The following SPSB2 variants were observed in gnomAD, a reference collection of about 807,000 sequenced individuals.
SPSB2 encodes splA/ryanodine receptor domain and SOCS box containing 2, also known as SPRY domain-containing SOCS box protein 2.
Under a neutral mutation model 19.2 loss-of-function variants are expected in SPSB2, and 25 were observed. The observed-to-expected ratio is 1.30, with a 90% CI of 0.95 to 1.82. The LOEUF (loss-of-function observed/expected upper bound fraction) is 1.82. SPSB2 is among the 40% of genes most tolerant of loss of function. The pLI is 0.00. For missense variants in SPSB2, 413 were observed against 344.9 expected (o/e 1.20, Z -1.56); for synonymous variants, 153 against 154.9 (o/e 0.99, Z 0.09).
rs1217582061 is a variant in SPSB2, at chr12:6,870,951, TCTTA to T, written c.*237_*240del. 5 of 668,590 alleles carry T rather than the reference TCTTA, an allele frequency of 7.5e-6. No homozygotes were observed. The highest frequency in any genetic ancestry group is 1.8e-5 in the African/African-American group (1 of 55,244). 41.4% of individuals were successfully genotyped at this position (668,590 alleles called of 1,614,324 possible). ...AAGAACAGGTTTCTATAACAACATCTCTTACTATTTTTACTTGAAAAAATGTTTT... is the reference window on the plus strand; with the variant it reads ...AAGAACAGGTTTCTATAACAACATCTCTATTTTTACTTGAAAAAATGTTTT... On this transcript the variant is annotated 3_prime_UTR_variant, in exon 3 of 3. Transcript: ENST00000524270.
Position 6,872,856 on chromosome 12 carries a change from G to T in SPSB2, c.46C>A (p.Pro16Thr), listed in dbSNP as rs1555134167. 1 of 1,598,824 alleles carries T rather than the reference G, an allele frequency of 6.3e-7. No individual in the cohort carries two copies. The highest frequency in any genetic ancestry group is 1.7e-5 in the Admixed American group (1 of 59,492). The stretch of plus-strand genomic sequence containing the variant: ...GAGAGGTCAGGGTACAGGGCCTGTG[G>T]CGTGGGGGTGCTGCTGCTGCCCCCT... ...LAGGSSSTPTPQALYPDLSCP... is the reference protein window; with the variant it reads ...LAGGSSSTPTTQALYPDLSCP... The change falls in exon 2 of 3, where the codon CCA becomes ACA. Residue 16 changes from proline to threonine, a missense_variant. Pro to Thr is a conservative substitution (Grantham distance 38). Transcript: ENST00000524270.
At position 6,872,242 on chromosome 12, in the gene SPSB2, C is replaced by A; in HGVS notation, c.660G>T (p.Arg220Ser). The change falls in exon 2 of 3, where the codon AGG becomes AGT. Residue 220 changes from arginine to serine, a missense_variant. Coordinates refer to ENST00000524270, the MANE Select transcript of SPSB2 (RefSeq NM_032641.4). ...CACGTCTGCCCCAGGCCTCACCTCT[C>A]CTTTCGCCCAGGTAGCGGATGCGGA... Reference protein sequence around the residue: ...CQVRIRYLGERRAEPHSLLHL... With the variant: ...CQVRIRYLGESRAEPHSLLHL... 6.2e-7 allele frequency: 1 copy of A among 1,614,144 alleles called. No individual in the cohort carries two copies. The highest frequency in any genetic ancestry group is 8.5e-7 in the Non-Finnish European group (1 of 1,180,042).
At chr12:6,873,048 C>A in intron 1 of SPSB2, 51 bp from the exon 2 acceptor site, 1 of 600,302 alleles carries the variant, frequency 1.7e-6, no homozygotes, top group South Asian at 2.3e-5. Flanking sequence ...GCTCGTCACC[C>A]AGGTACCCCA....
rs1375814423 is a variant in SPSB2 at position 6,871,496 on chromosome 12, C to T, written c.665-177G>A. ...GCCTCCCAGATAAGATTTCACACATCCCTAGTCAGAGCTGGGGGTGAAGAG... is the reference window on the plus strand; with the variant it reads ...GCCTCCCAGATAAGATTTCACACATTCCTAGTCAGAGCTGGGGGTGAAGAG... On this transcript the variant is annotated intron_variant, in intron 2 of 2. Transcript: ENST00000524270. 4 of 690,162 alleles carry T rather than the reference C, an allele frequency of 5.8e-6. No individual in the cohort carries two copies. In the African/African-American group the frequency reaches 7.2e-5, roughly 12 times the overall value. 42.8% of individuals were successfully genotyped at this position (690,162 alleles called of 1,614,324 possible).
chr12:6,871,337 G>T lies in SPSB2; in HGVS notation c.665-18C>A. 1 of 1,608,030 alleles carries T rather than the reference G, an allele frequency of 6.2e-7. No homozygotes were observed. Among genetic ancestry groups the T allele is most frequent in the East Asian group, 2.2e-5 (1 of 44,852 alleles). On this transcript the variant is annotated intron_variant, in intron 2 of 2. Coordinates refer to ENST00000524270, the MANE Select transcript of SPSB2 (RefSeq NM_032641.4). ...TGGCTCCGCTGGGAGAGAGAAGGAG[G>T]GGAATGTAAGTATGGGTGCAGCCAC... is the stretch of plus-strand genomic sequence containing the variant.
Position 6,872,312 on chromosome 12 carries a change from C to T in SPSB2, c.590G>A (p.Arg197Lys). 1 of 1,614,216 alleles carries T rather than the reference C, an allele frequency of 6.2e-7. No individual in the cohort carries two copies. Among genetic ancestry groups the T allele is most frequent in the South Asian group, 1.1e-5 (1 of 91,088 alleles). Residue 197 changes from arginine (R) to lysine (K), a missense_variant, in exon 2 of 3, where the codon AGG (arginine) becomes AAG (lysine). Physicochemically the swap from Arg to Lys is conservative, Grantham distance 26. Transcript: ENST00000524270. ...LGPAFRGLKGRTLYPAVSAVW... is the reference protein window; with the variant it reads ...LGPAFRGLKGKTLYPAVSAVW... ...AGCGCTTACTGCCGGATAGAGGGTCCTGCCCTTCAGTCCGCGGAATGCTGG... is the reference window on the plus strand; with the variant it reads ...AGCGCTTACTGCCGGATAGAGGGTCTTGCCCTTCAGTCCGCGGAATGCTGG...
chr12:6,871,538 A>G, intron 2 of SPSB2: 1 of 596,234 alleles, frequency 1.7e-6, no homozygotes, highest in South Asian at 2.0e-5. Context: ...AAGGCCCTCT[A>G]AACAACAGGC....
chr12:6,872,402 A>T lies in SPSB2; in HGVS notation c.500T>A (p.Leu167Gln). The change falls in exon 2 of 3, where the codon CTG becomes CAG. Residue 167 changes from leucine (L) to glutamine (Q), a missense_variant. Physicochemically the swap from Leu to Gln is moderately radical, Grantham distance 113 (BLOSUM62 -2). Transcript: ENST00000524270. ...CTCCTCCATGTCCAGAACCACCAGCAGTCTCTCTGGCACCTCCAGCTGCTC... is the reference window on the plus strand; with the variant it reads ...CTCCTCCATGTCCAGAACCACCAGCTGTCTCTCTGGCACCTCCAGCTGCTC... Reference protein sequence around the residue: ...QGEQLEVPERLLVVLDMEEGT... With the variant: ...QGEQLEVPERQLVVLDMEEGT... 1 of 1,614,200 alleles carries T rather than the reference A, an allele frequency of 6.2e-7. No homozygotes were observed. The highest frequency in any genetic ancestry group is 8.5e-7 in the Non-Finnish European group (1 of 1,180,026).
Position 6,871,050 on chromosome 12 carries a change from T to A in SPSB2, c.*142A>T. 2 of 1,091,602 alleles carry A rather than the reference T, an allele frequency of 1.8e-6. No individual in the cohort carries two copies. The highest frequency in any genetic ancestry group is 2.6e-6 in the Non-Finnish European group (2 of 755,592). 67.6% of individuals were successfully genotyped at this position (1,091,602 alleles called of 1,614,324 possible). A position where few individuals can be genotyped will look rare whatever the true frequency, so the allele number is the denominator to read the frequency against. On this transcript the variant is annotated 3_prime_UTR_variant, in exon 3 of 3. Transcript: ENST00000524270. ...CTCCCTCCAAGTGGCTCTGGGGCTG[T>A]TGATTTCCGCAGAGCTTGGGTTGGG...
At chr12:6,871,945 T>G in intron 2 of SPSB2, 2 of 1,410,158 alleles carry the variant, frequency 1.4e-6, no homozygotes, top group Non-Finnish European at 1.9e-6. Flanking sequence ...GCTCAGGGGT[T>G]GATATCTCCT....
intron 2 of SPSB2, chr12:6,871,545 AG>A: frequency 1.7e-6 from 1 of 580,138 alleles, no homozygotes; most frequent in Non-Finnish European, 3.0e-6. Context: ...TCTAAACAAC[AG>A]GCCAAGGTGG....
chr12:6,873,175 T>G, intron 1 of SPSB2, 71 bp downstream of exon 1: 9 of 408,620 alleles, frequency 2.2e-5, no homozygotes, highest in East Asian at 3.8e-5. Context: ...CTCTCGCGAG[T>G]TCGCCCCATT....
intron 2 of SPSB2, chr12:6,871,605 A>G: frequency 2.0e-6 from 1 of 500,648 alleles, no homozygotes; most frequent in Non-Finnish European, 3.6e-6. Context: ...GAGGCTTGGG[A>G]GCTGGGGCTG....
chr12:6,872,960 G>C lies in SPSB2; in HGVS notation c.-59C>G. The stretch of plus-strand genomic sequence containing the variant: ...GCTTGCTGGGGCGTCTTTCTCTTCT[G>C]AAAGTTGAGCTCCAGTTTGGATTGA... On this transcript the variant is annotated 5_prime_UTR_variant, in exon 2 of 3. Transcript: ENST00000524270. 2 of 1,252,326 alleles carry C rather than the reference G, an allele frequency of 1.6e-6. No individual in the cohort carries two copies. The highest frequency in any genetic ancestry group is 2.2e-6 in the Non-Finnish European group (2 of 904,876). The allele number at this position is 1,252,326 out of a possible 1,614,324, so 77.6% of individuals were successfully genotyped here. A position where few individuals can be genotyped will look rare whatever the true frequency, so the allele number is the denominator to read the frequency against.
Position 6,872,236 on chromosome 12 carries a change from A to G in SPSB2, c.664+2T>C. ...TCTCCCCACGTCTGCCCCAGGCCTC[A>G]CCTCTCCTTTCGCCCAGGTAGCGGA... On this transcript the variant is annotated splice_donor_variant, in intron 2 of 2. Transcript: ENST00000524270. LOFTEE classifies it high-confidence loss of function. 6.2e-7 allele frequency: 1 copy of G among 1,613,926 alleles called. No individual in the cohort carries two copies. Among genetic ancestry groups the G allele is most frequent in the Non-Finnish European group, 8.5e-7 (1 of 1,179,988 alleles).
At position 6,872,779 on chromosome 12, in the gene SPSB2, C is replaced by G. The variant is rs1015854542; in HGVS notation, c.123G>C (p.Gly41=). 8 of 1,612,316 alleles carry G rather than the reference C, an allele frequency of 5.0e-6. No homozygotes were observed. Among genetic ancestry groups the G allele is most frequent in the African/African-American group, 1.3e-5 (1 of 74,926 alleles). Residue 41 remains glycine, a synonymous_variant, in exon 2 of 3, where the codon GGG becomes GGC. Transcript: ENST00000524270. ...ELLSAPPPDL[G]AQRRHGWNPK... is the part of the protein sequence containing the mutation. ...GGTTCCAACCGTGGCGCCGCTGGGCCCCCAGGTCAGGAGGGGGTGCAGACA... is the reference window on the plus strand; with the variant it reads ...GGTTCCAACCGTGGCGCCGCTGGGCGCCCAGGTCAGGAGGGGGTGCAGACA...
At chr12:6,871,836 G>C in intron 2 of SPSB2, 1 of 565,004 alleles carries the variant, frequency 1.8e-6, no homozygotes. Flanking sequence ...AGACAGGTTA[G>C]AGCCCAGGGA....
chr12:6,872,262 T>A lies in SPSB2; in HGVS notation c.640A>T (p.Ile214Phe). 1 of 1,614,144 alleles carries A rather than the reference T, an allele frequency of 6.2e-7. No individual in the cohort carries two copies. The highest frequency in any genetic ancestry group is 8.5e-7 in the Non-Finnish European group (1 of 1,180,030). The change falls in exon 2 of 3, where the codon ATC (isoleucine) becomes TTC (phenylalanine). Residue 214 changes from isoleucine to phenylalanine, a missense_variant. By Grantham distance (21) the Ile-to-Phe change is conservative. Coordinates refer to ENST00000524270, the MANE Select transcript of SPSB2 (RefSeq NM_032641.4). ...CCTCTCCTTTCGCCCAGGTAGCGGATGCGGACCTGGCACTGGCCCCAGACA... is the reference window on the plus strand; with the variant it reads ...CCTCTCCTTTCGCCCAGGTAGCGGAAGCGGACCTGGCACTGGCCCCAGACA... ...SAVWGQCQVRIRYLGERRAEP... is the reference protein window; with the variant it reads ...SAVWGQCQVRFRYLGERRAEP...
chr12:6,872,043 G>A, intron 2 of SPSB2, 195 bp downstream of exon 2: 1 of 1,503,870 alleles, frequency 6.6e-7, no homozygotes, highest in Non-Finnish European at 8.9e-7. Context: ...GCTTTCTCAA[G>A]CCTGTTTCAC....
Sources: allele counts gnomAD v4.1 joint callset, GRCh38; gene constraint gnomAD v4.1.1; transcripts MANE v1.5; gene names NCBI Gene and HGNC (gene_info 2026-07-23, HGNC 2026-07-21).